The following CDC23 variants were observed in gnomAD, a reference collection of about 807,000 sequenced individuals.
The protein encoded by CDC23 is cell division cycle protein 23 homolog.
In CDC23, 26 loss-of-function variants were observed where a neutral mutation model predicts 81.7. The ratio of observed to expected loss-of-function variants is 0.32; its 90% CI spans 0.23 to 0.44. The LOEUF (loss-of-function observed/expected upper bound fraction) is 0.44. Among genes scored for constraint, CDC23 ranks in the 20% least tolerant of loss-of-function variants. CDC23 has a pLI of 1.00. For synonymous variants in CDC23, 267 were observed against 270.8 expected (o/e 0.99, Z 0.14); for missense variants, 519 against 728.0 (o/e 0.71, Z 3.30).
intron 4 of CDC23, 32 bp downstream of exon 4, chr5:138,202,081 T>C: frequency 6.3e-7 from 1 of 1,575,074 alleles, no homozygotes; most frequent in African/African-American, 1.4e-5. Context: ...CCCTGCTTTT[T>C]AGGTCAAAAG....
intron 6 of CDC23, among the ~76,000 whole-genome samples, chr5:138,199,489 G>A (rs17234842): frequency 6.6e-6 from 1 of 152,158 alleles, no homozygotes; most frequent in Admixed American, 6.6e-5. Context: ...CTTGGAAATG[G>A]AAGTATAAAA....
chr5:138,209,691 G>A (rs531320055), intron 2 of CDC23, among the ~76,000 whole-genome samples: 231 of 151,452 alleles, frequency 1.5e-3, no homozygotes, highest in Non-Finnish European at 2.1e-3. Flanking sequence ...CAGGCGTGGT[G>A]GCACATTCGG....
At position 138,189,004 on chromosome 5, in the gene CDC23, G is replaced by A; in HGVS notation, c.1768C>T (p.Leu590Phe). Residue 590 changes from leucine (L) to phenylalanine (F), a missense_variant, in exon 16 of 16, where the codon CTC (leucine) becomes TTC (phenylalanine). Leu to Phe is a conservative substitution (Grantham distance 22, BLOSUM62 0). Around this residue, in one of 4 missense-constraint regions of CDC23, gnomAD observed 38 missense variants for 34.7 expected, o/e 1.10. Coordinates refer to ENST00000394886, the MANE Select transcript of CDC23 (RefSeq NM_004661.4). ...NNTPTRRVSP[L>F]NLSSVTP ...TATGGCGTGACAGAAGACAAGTTGA[G>A]TGGAGAAACTCTGCGTGTGGGGGTA... is the stretch of plus-strand genomic sequence containing the variant. 6.2e-7 allele frequency: 1 copy of A among 1,614,062 alleles called. No homozygotes were observed. Among genetic ancestry groups the A allele is most frequent in the Non-Finnish European group, 8.5e-7 (1 of 1,179,972 alleles).
At chr5:138,210,315 C>T (rs917939159) in intron 2 of CDC23, among the ~76,000 whole-genome samples, 3 of 150,290 alleles carry the variant, frequency 2.0e-5, no homozygotes, top group Non-Finnish European at 4.4e-5. Flanking sequence ...CAGCTGAGTT[C>T]AGGAATTCAA....
intron 6 of CDC23, among the ~76,000 whole-genome samples, chr5:138,199,164 T>C (rs1754955963): frequency 6.6e-6 from 1 of 152,186 alleles, no homozygotes; most frequent in Non-Finnish European, 1.5e-5. Flanking sequence ...GCGGGGAGGC[T>C]ATGTACTGGG....
intron 12 of CDC23, 131 bp downstream of exon 12, chr5:138,191,731 T>A: frequency 1.1e-6 from 1 of 944,214 alleles, no homozygotes. Flanking sequence ...TTTCAGACTA[T>A]GTATCTATAA....
intron 2 of CDC23, 79 bp downstream of exon 2, chr5:138,212,912 T>A: frequency 8.4e-7 from 1 of 1,187,678 alleles, no homozygotes; most frequent in Admixed American, 1.7e-5. Context: ...TTTGCTCTCC[T>A]CCAGTGACAG....
chr5:138,205,035 C>T (rs1349943285), intron 3 of CDC23, among the ~76,000 whole-genome samples: 1 of 152,012 alleles, frequency 6.6e-6, no homozygotes, highest in African/African-American at 2.4e-5. Flanking sequence ...CTATCTCAGC[C>T]TCCCAAGTAG....
At chr5:138,209,434 A>G (rs77382656) in intron 2 of CDC23, among the ~76,000 whole-genome samples, 1 of 151,406 alleles carries the variant, frequency 6.6e-6, no homozygotes, top group Non-Finnish European at 1.5e-5. Context: ...AAAAAAAAAA[A>G]GAAAAGAAAA....
chr5:138,196,117 T>G (rs767987204), intron 9 of CDC23, among the ~76,000 whole-genome samples: 27 of 151,808 alleles, frequency 1.8e-4, no homozygotes, highest in Non-Finnish European at 3.1e-4. Flanking sequence ...CCCGCTCTGA[T>G]TTTTAAGGTA....
chr5:138,189,091 C>T lies in CDC23; in HGVS notation c.1681G>A (p.Glu561Lys), dbSNP rs749202290. ...GCAGGCACCTCGGTGGTAGGAGTCTCGCCTTGGTTCCGAAGCTGTAGGATT... is the reference window on the plus strand; with the variant it reads ...GCAGGCACCTCGGTGGTAGGAGTCTTGCCTTGGTTCCGAAGCTGTAGGATT... ...RQILQLRNQG[E>K]TPTTEVPAPF... is the part of the protein sequence containing the mutation. Residue 561 changes from glutamate to lysine, a missense_variant, in exon 16 of 16, where the codon GAG becomes AAG. This residue lies in a region of CDC23 where 175 missense variants were observed against 337.8 expected (regional missense o/e 0.52). Coordinates refer to ENST00000394886, the MANE Select transcript of CDC23 (RefSeq NM_004661.4). 15 of 1,613,968 alleles carry T rather than the reference C, an allele frequency of 9.3e-6. No individual in the cohort carries two copies. The highest frequency in any genetic ancestry group is 5.0e-5 in the Admixed American group (3 of 59,990).
At chr5:138,190,147 A>T (rs892366237) in intron 13 of CDC23, 3 of 501,596 alleles carry the variant, frequency 6.0e-6, no homozygotes, top group African/African-American at 3.9e-5. Context: ...AGCTAGATAA[A>T]CCATCCTTGC....
Position 138,191,495 on chromosome 5 carries a change from A to C in CDC23, c.1403T>G (p.Met468Arg). ...TCACTTTGCCAGTTTCACCAGAGCC[A>C]TTTTCTCCACATCTCCCACGGCGTA... ...RAYAVGDVEK[M>R]ALVKLAKLHE... Residue 468 changes from methionine to arginine, a missense_variant, in exon 13 of 16, where the codon ATG (methionine) becomes AGG (arginine). Coordinates refer to ENST00000394886, the MANE Select transcript of CDC23 (RefSeq NM_004661.4). The C allele has an allele frequency of 1.2e-6, 2 of 1,614,182 alleles. No homozygotes were observed. The highest frequency in any genetic ancestry group is 1.7e-6 in the Non-Finnish European group (2 of 1,180,020).
intron 11 of CDC23, 163 bp downstream of exon 11, chr5:138,192,106 G>T: frequency 1.0e-6 from 1 of 964,734 alleles, no homozygotes; most frequent in Non-Finnish European, 1.5e-6. Flanking sequence ...ACCCATTAGT[G>T]AAATATACTA....
chr5:138,195,590 A>ATTAT (rs1398173091), intron 9 of CDC23, among the ~76,000 whole-genome samples: 9 of 58,578 alleles, frequency 1.5e-4, no homozygotes, highest in Non-Finnish European at 3.6e-4. Flanking sequence ...TATTATATAT[A>ATTAT]ATATATATTA....
At chr5:138,212,241 C>T (rs1357543746) in intron 2 of CDC23, among the ~76,000 whole-genome samples, 1 of 152,144 alleles carries the variant, frequency 6.6e-6, no homozygotes, top group Non-Finnish European at 1.5e-5. Context: ...AACCCAGAGT[C>T]GTCTCAATCC....
intron 13 of CDC23, among the ~76,000 whole-genome samples, chr5:138,190,483 G>A (rs79317930): frequency 7.0e-6 from 1 of 143,532 alleles, no homozygotes; most frequent in South Asian, 2.2e-4. Context: ...AAAAAAAAAA[G>A]CTGGGCACTG....
intron 2 of CDC23, among the ~76,000 whole-genome samples, chr5:138,211,437 G>A (rs1039293898): frequency 6.6e-6 from 1 of 152,134 alleles, no homozygotes; most frequent in Non-Finnish European, 1.5e-5. Flanking sequence ...CAAGGTAGGT[G>A]GATCACCTGA....
intron 3 of CDC23, among the ~76,000 whole-genome samples, chr5:138,203,436 T>TA (rs1479640015): frequency 6.6e-6 from 1 of 151,244 alleles, no homozygotes; most frequent in South Asian, 2.1e-4. Context: ...CTCTATTGAT[T>TA]AAAAAAAAGA....
Sources: gnomAD v4.1 joint callset for allele counts (sites outside exome capture counted in the v4.1 genomes callset) on GRCh38, gnomAD v4.1.1 for gene constraint, gnomAD v4.1.1 regional missense constraint, MANE v1.5 for transcripts, NCBI Gene and HGNC (gene_info 2026-07-23, HGNC 2026-07-21) for gene names.